Variants in MORN1 observed in about 807,000 individuals in gnomAD.
MORN1 encodes the protein MORN repeat containing 1.
In MORN1, 67 loss-of-function variants were observed where a neutral mutation model predicts 61.9. The ratio of observed to expected loss-of-function variants is 1.08; its 90% CI spans 0.89 to 1.33. MORN1 has a LOEUF of 1.33. Ranked by LOEUF, MORN1 falls within the 40% of genes most tolerant of loss-of-function variation. MORN1 has a pLI of 0.00. For missense variants in MORN1, 752 were observed against 691.2 expected, an observed-to-expected ratio of 1.09 and a Z score of -0.99; for synonymous variants, 301 against 292.0, an observed-to-expected ratio of 1.03 and a Z score of -0.31.
chr1:2,352,396 T>C (rs1641669510), intron 10 of MORN1: 1 of 155,486 alleles, frequency 6.4e-6, no homozygotes, highest in Non-Finnish European at 1.4e-5. Flanking sequence ...CTTGAGCTCT[T>C]ATGGGAGCGA....
At chr1:2,336,326 C>A in intron 12 of MORN1, 143 bp downstream of exon 12, 1 of 770,630 alleles carries the variant, frequency 1.3e-6, no homozygotes, top group Non-Finnish European at 2.0e-6. Context: ...GGGGGGCTCT[C>A]TGGAGCGAGG....
At chr1:2,322,582 G>A (rs937460098) in intron 13 of MORN1, 18 of 985,146 alleles carry the variant, frequency 1.8e-5, no homozygotes, top group Non-Finnish European at 2.0e-5. Flanking sequence ...GTTCTGGGGG[G>A]CCTCGCCAGG....
chr1:2,340,579 C>T (rs1380170078), intron 10 of MORN1, among the ~76,000 whole-genome samples: 1 of 152,256 alleles, frequency 6.6e-6, no homozygotes, highest in Non-Finnish European at 1.5e-5. Flanking sequence ...CCTAGGCCTC[C>T]AGCACCCCTG....
In MORN1 at chr1:2,372,235, GCACA is replaced by G. The variant is rs1642138855; in HGVS notation, c.745+242_745+245del. The G allele has an allele frequency of 1.5e-5, 7 of 471,828 alleles. No individual in the cohort carries two copies. The East Asian group carries it at 1.6e-4, about 11-fold the overall frequency. 29.2% of individuals were successfully genotyped at this position (471,828 alleles called of 1,614,324 possible). On this transcript the variant is annotated intron_variant, in intron 8 of 13. Transcript: ENST00000378531. This position sits in a 1 kb window ranked among gnomAD's most constrained non-coding sequence, Gnocchi z 5.4. ...ACCTGTGCAAGGCATACACACATAT[GCACA>G]CACATACAGGAGCACGCACATCACA...
chr1:2,322,607 G>A (rs1640907985), intron 13 of MORN1: 2 of 985,268 alleles, frequency 2.0e-6, no homozygotes, highest in African/African-American at 3.5e-5. Flanking sequence ...CACACGTTCT[G>A]CAACCTGGCG....
At chr1:2,323,427 G>A in intron 13 of MORN1, 1 of 985,412 alleles carries the variant, frequency 1.0e-6, no homozygotes, top group East Asian at 1.1e-4. Context: ...TGGCCCAGGT[G>A]ACAGAGAGGC....
rs1370695928 is a variant in MORN1, at chr1:2,334,814, G to A, written c.1250+1655C>T. 6.6e-6 allele frequency among the ~76,000 whole-genome samples: 1 copy of A among 152,216 alleles called. No homozygotes were observed. The highest frequency in any genetic ancestry group is 1.9e-4 in the East Asian group (1 of 5,202). On this transcript the variant is annotated intron_variant, in intron 12 of 13. Coordinates refer to ENST00000378531, the MANE Select transcript of MORN1 (RefSeq NM_024848.3). The surrounding 1 kb of genome is among the most constrained non-coding windows in gnomAD (Gnocchi z 5.4). ...CGCCGACCCCTCCGTTCTCTCAGGTGGAAAAGAACGAAAGCCTTCTTTCTG... is the reference window on the plus strand; with the variant it reads ...CGCCGACCCCTCCGTTCTCTCAGGTAGAAAAGAACGAAAGCCTTCTTTCTG...
Position 2,345,099 on chromosome 1 carries a change from T to C in MORN1, c.1037-8249A>G, listed in dbSNP as rs529223326. Among the ~76,000 whole-genome samples, 206 of 151,084 alleles carry C rather than the reference T, an allele frequency of 1.4e-3. 2 individuals carry two copies. Among genetic ancestry groups the C allele is most frequent in the African/African-American group, 4.8e-3 (198 of 40,882 alleles). On this transcript the variant is annotated intron_variant, in intron 10 of 13. Coordinates refer to ENST00000378531, the MANE Select transcript of MORN1 (RefSeq NM_024848.3). The stretch of plus-strand genomic sequence containing the variant: ...GGAGGGTCCACGCGTGCTCACGCTC[T>C]ACGCTCATGGATGGCCACATGTGCC...
intron 3 of MORN1, 200 bp from the exon 4 acceptor site, chr1:2,387,729 A>G: frequency 1.7e-6 from 1 of 589,788 alleles, no homozygotes; most frequent in East Asian, 2.8e-5. Context: ...GGGCATGCAG[A>G]CAGCCCCAGG....
At chr1:2,325,183 C>CTCCCTTCCTTCCT (rs1640994620) in intron 12 of MORN1, among the ~76,000 whole-genome samples, 1 of 60,126 alleles carries the variant, frequency 1.7e-5, no homozygotes, top group Non-Finnish European at 3.7e-5. Context: ...CCTTCCTTCC[C>CTCCCTTCCTTCCT]TTCCTTCACT....
At chr1:2,324,010 C>T in intron 13 of MORN1, 87 bp downstream of exon 13, 1 of 1,491,772 alleles carries the variant, frequency 6.7e-7, no homozygotes, top group Non-Finnish European at 8.9e-7. Flanking sequence ...GCCGAGTTCC[C>T]CCAACCCCAC....
At chr1:2,331,558 G>A (rs572529324) in intron 12 of MORN1, among the ~76,000 whole-genome samples, 4 of 152,280 alleles carry the variant, frequency 2.6e-5, no homozygotes, top group South Asian at 4.1e-4. Flanking sequence ...GGGTCAGAGC[G>A]TGCCTGAGGG....
At chr1:2,344,754 C>T (rs545773358) in intron 10 of MORN1, among the ~76,000 whole-genome samples, 1 of 152,332 alleles carries the variant, frequency 6.6e-6, no homozygotes, top group Non-Finnish European at 1.5e-5. Context: ...CTACGAGCCA[C>T]AACAGCTGCC....
intron 10 of MORN1, chr1:2,355,103 G>A: frequency 9.9e-7 from 1 of 1,012,392 alleles, no homozygotes; most frequent in Non-Finnish European, 1.2e-6. Context: ...GGGGTAGGGT[G>A]CGATGCAGGC....
At chr1:2,324,816 G>C (rs1050139769) in intron 12 of MORN1, among the ~76,000 whole-genome samples, 4 of 152,104 alleles carry the variant, frequency 2.6e-5, no homozygotes, top group African/African-American at 4.8e-5. Flanking sequence ...ACTGCAACAA[G>C]TGATGGGCCT....
chr1:2,336,392 C>T, intron 12 of MORN1, 77 bp downstream of exon 12: 3 of 1,463,472 alleles, frequency 2.0e-6, no homozygotes, highest in Non-Finnish European at 2.8e-6. Flanking sequence ...TGGGCCTTCC[C>T]CGTCCTCCTG....
intron 6 of MORN1, chr1:2,377,036 A>G (rs1243030414): frequency 1.3e-5 from 2 of 152,116 alleles, no homozygotes; most frequent in African/African-American, 4.8e-5. Context: ...GTCCAGGCCG[A>G]TGCCCAGCGT....
At chr1:2,390,063 A>G (rs1642608658) in intron 1 of MORN1, 67 bp from the exon 2 acceptor site, 1 of 1,458,706 alleles carries the variant, frequency 6.9e-7, no homozygotes. Context: ...TCCAGTGCTG[A>G]AGGAGGGAGT....
At chr1:2,323,534 CTGGCT>C (rs1640930182) in intron 13 of MORN1, 1 of 985,276 alleles carries the variant, frequency 1.0e-6, no homozygotes, top group Admixed American at 6.2e-5. Flanking sequence ...TTCGGCCCCT[CTGGCT>C]TGGTGGGGGG....
Sources: gnomAD v4.1 joint callset for allele counts (sites outside exome capture counted in the v4.1 genomes callset) on GRCh38, gnomAD v4.1.1 for gene constraint, Gnocchi (gnomAD v3.1) non-coding constraint, MANE v1.5 for transcripts, NCBI Gene and HGNC (gene_info 2026-07-23, HGNC 2026-07-21) for gene names.